Variants in ADGRE5 observed in about 807,000 individuals in gnomAD.
ADGRE5 encodes the protein CD97 molecule.
ADGRE5 carries 72 observed loss-of-function variants against 100.3 expected under a neutral mutation model. The observed-to-expected ratio is 0.72, with a 90% confidence interval of 0.59 to 0.87. ADGRE5 has a LOEUF of 0.87. Ranked by LOEUF, ADGRE5 falls within the 40% of genes least tolerant of loss-of-function variation. The pLI, the probability that ADGRE5 is intolerant of heterozygous loss-of-function variation, is 0.00. For synonymous variants in ADGRE5, 439 were observed against 447.8 expected, an observed-to-expected ratio of 0.98 and a Z score of 0.25; for missense variants, 959 against 1,094.7, an observed-to-expected ratio of 0.88 and a Z score of 1.75.
chr19:14,391,255 G>C (rs1975592761), intron 4 of ADGRE5, 176 bp downstream of exon 4: 1 of 789,508 alleles, frequency 1.3e-6, no homozygotes, highest in Non-Finnish European at 2.0e-6. Flanking sequence ...GTGATGTGAG[G>C]ATTAAGGGCT....
Position 14,397,766 on chromosome 19 carries a change from A to G in ADGRE5, c.734A>G (p.His245Arg), listed in dbSNP as rs1374960737. Residue 245 changes from histidine to arginine, a missense_variant, in exon 7 of 20, where the codon CAC becomes CGC. Coordinates refer to ENST00000242786, the MANE Select transcript of ADGRE5 (RefSeq NM_078481.4). ...TGCCGCCCAGGCTGGAAGCCCAGAC[A>G]CGGAATCCCGAATAACCAAAAGGAC... is the stretch of plus-strand genomic sequence containing the variant. ...CRCRPGWKPR[H>R]GIPNNQKDTV... 1 of 1,372,596 alleles carries G rather than the reference A, an allele frequency of 7.3e-7. No individual in the cohort carries two copies. Among genetic ancestry groups the G allele is most frequent in the Non-Finnish European group, 1.0e-6 (1 of 998,372 alleles). 85.0% of individuals were successfully genotyped at this position (1,372,596 alleles called of 1,614,324 possible). A position where few individuals can be genotyped will look rare whatever the true frequency, so the allele number is the denominator to read the frequency against.
chr19:14,398,150 G>T lies in ADGRE5; in HGVS notation c.897+11G>T. The T allele has an allele frequency of 6.2e-7, 1 of 1,613,728 alleles. No individual in the cohort carries two copies. Among genetic ancestry groups the T allele is most frequent in the Non-Finnish European group, 8.5e-7 (1 of 1,179,614 alleles). ...GAGGTCACCATCCAGGTAAGGGCAG[G>T]ATGCTGGGGGACCCCAGGACAGTGT... On this transcript the variant is annotated intron_variant, in intron 9 of 19. Coordinates refer to ENST00000242786, the MANE Select transcript of ADGRE5 (RefSeq NM_078481.4).
In ADGRE5 at chr19:14,408,643, G is replaced by T; in HGVS notation, c.*522G>T. On this transcript the variant is annotated 3_prime_UTR_variant, in exon 20 of 20. Transcript: ENST00000242786. The stretch of plus-strand genomic sequence containing the variant: ...GCAGGAGGTTCTCACTGTTGTGAAG[G>T]TTGTAGACGTTGTGTAATGTGTTTT... The T allele has an allele frequency of 2.0e-6, 1 of 494,160 alleles. No homozygotes were observed. Among genetic ancestry groups the T allele is most frequent in the East Asian group, 3.3e-5 (1 of 30,640 alleles). The allele number at this position is 494,160 out of a possible 1,614,324, so 30.6% of individuals were successfully genotyped here. A position where few individuals can be genotyped will look rare whatever the true frequency, so the allele number is the denominator to read the frequency against.
Position 14,391,060 on chromosome 19 carries a change from G to C in ADGRE5, c.327G>C (p.Glu109Asp), listed in dbSNP as rs1280460860. Residue 109 changes from glutamate to aspartate, a missense_variant, in exon 4 of 20, where the codon GAG becomes GAC. Glu to Asp is a conservative substitution (Grantham distance 45). Transcript: ENST00000242786. ...PVSGAKTFKN[E>D]SENTCQDVDE... The stretch of plus-strand genomic sequence containing the variant: ...CTGGGGCAAAAACATTCAAGAATGA[G>C]AGCGAGAACACCTGTCAAGGTAAGA... 9 of 1,614,234 alleles carry C rather than the reference G, an allele frequency of 5.6e-6. No homozygotes were observed. The East Asian group carries it at 1.3e-4, about 24-fold the overall frequency.
rs768847602 is a variant in ADGRE5, at chr19:14,406,797, C to T, written c.2115+31C>T. ...TACCCACTCTCCCTCCACCGAAGCC[C>T]GAGCGCCACAGGCCCAGGCCCGGCT... On this transcript the variant is annotated intron_variant, in intron 16 of 19. Coordinates refer to ENST00000242786, the MANE Select transcript of ADGRE5 (RefSeq NM_078481.4). This position sits in a 1 kb window ranked among gnomAD's most constrained non-coding sequence, Gnocchi z 6.0. The T allele has an allele frequency of 2.1e-5, 34 of 1,612,462 alleles. No individual in the cohort carries two copies. The highest frequency in any genetic ancestry group is 3.3e-5 in the Admixed American group (2 of 60,002).
At chr19:14,400,344 G>C (rs535166936) in intron 9 of ADGRE5, among the ~76,000 whole-genome samples, 2 of 151,892 alleles carry the variant, frequency 1.3e-5, no homozygotes, top group Non-Finnish European at 2.9e-5. Context: ...TGCAGAGATG[G>C]GGGCCTTGCT....
chr19:14,390,215 G>T (rs569937687), intron 3 of ADGRE5, among the ~76,000 whole-genome samples: 37 of 152,130 alleles, frequency 2.4e-4, no homozygotes, highest in African/African-American at 8.9e-4. Flanking sequence ...AAGTGAATAG[G>T]CATGGCTTCC....
intron 9 of ADGRE5, among the ~76,000 whole-genome samples, chr19:14,398,787 CTCGGTTT>C (rs1326884217): frequency 6.7e-6 from 1 of 150,182 alleles, no homozygotes; most frequent in Admixed American, 6.6e-5. Context: ...CTCTCTGGGC[CTCGGTTT>C]TCTCATCTGT....
intron 4 of ADGRE5, among the ~76,000 whole-genome samples, chr19:14,393,746 G>A (rs1002344623): frequency 2.6e-5 from 4 of 152,170 alleles, no homozygotes; most frequent in African/African-American, 9.7e-5. Context: ...TACCTGGGAC[G>A]TACACCTGCG....
chr19:14,399,407 A>G (rs1975916251), intron 9 of ADGRE5, among the ~76,000 whole-genome samples: 2 of 151,290 alleles, frequency 1.3e-5, no homozygotes, highest in Admixed American at 6.6e-5. Context: ...TACTAAAAAT[A>G]CAAAAAATTA....
chr19:14,391,002 A>T lies in ADGRE5; in HGVS notation c.269A>T (p.Asp90Val). The change falls in exon 4 of 20, where the codon GAC becomes GTC. Residue 90 changes from aspartate to valine, a missense_variant. Coordinates refer to ENST00000242786, the MANE Select transcript of ADGRE5 (RefSeq NM_078481.4). ...SDCWNTEGSY[D>V]CVCSPGYEPV... is the part of the protein sequence containing the mutation. ...TGCTGGAACACAGAGGGGAGCTACG[A>T]CTGCGTGTGCAGCCCGGGATATGAG... 1 of 1,614,208 alleles carries T rather than the reference A, an allele frequency of 6.2e-7. No homozygotes were observed. The highest frequency in any genetic ancestry group is 8.5e-7 in the Non-Finnish European group (1 of 1,180,040).
rs1976358336 is a variant in ADGRE5, at chr19:14,408,084, C to T, written c.2479-8C>T. 6.2e-7 allele frequency: 1 copy of T among 1,613,990 alleles called. No individual in the cohort carries two copies. Among genetic ancestry groups the T allele is most frequent in the East Asian group, 2.2e-5 (1 of 44,882 alleles). ...GCGGGGCTCAGGCCTCTGGGCTCTC[C>T]TCTCCAGGCCCTCAGGGCATCAGAG... On this transcript the variant is annotated splice_polypyrimidine_tract_variant and splice_region_variant and intron_variant, in intron 19 of 19. Transcript: ENST00000242786.
Position 14,401,172 on chromosome 19 carries a change from GCCCGTGCCCAAC to G in ADGRE5, c.898-212_898-201del, listed in dbSNP as rs148434845. Among the ~76,000 whole-genome samples, 2,446 of 152,310 alleles carry G rather than the reference GCCCGTGCCCAAC, an allele frequency of 0.016. 64 individuals are homozygous for G. Among genetic ancestry groups the G allele is most frequent in the African/African-American group, 0.054 (2,235 of 41,558 alleles). ...AAATCAAAACAGAGCCTGGCAGGCA[GCCCGTGCCCAAC>G]CAGTGTTAAGCGCTGTGATTCATAC... On this transcript the variant is annotated intron_variant, in intron 9 of 19. Coordinates refer to ENST00000242786, the MANE Select transcript of ADGRE5 (RefSeq NM_078481.4). The surrounding 1 kb of genome is among the most constrained non-coding windows in gnomAD (Gnocchi z 4.1).
At position 14,406,037 on chromosome 19, in the gene ADGRE5, C is replaced by T. The variant is rs906312721; in HGVS notation, c.1821+98C>T. On this transcript the variant is annotated intron_variant, in intron 14 of 19. Transcript: ENST00000242786. This position sits in a 1 kb window ranked among gnomAD's most constrained non-coding sequence, Gnocchi z 6.0. ...CCGGGGCTCAGTCGGGTAGGCGGGC[C>T]CTGGAGGCATGAGGCCCCGCCCCTG... 3.0e-5 allele frequency: 34 copies of T among 1,117,482 alleles called. No individual in the cohort carries two copies. The highest frequency in any genetic ancestry group is 4.1e-5 in the Non-Finnish European group (33 of 803,878). 69.2% of individuals were successfully genotyped at this position (1,117,482 alleles called of 1,614,324 possible).
intron 1 of ADGRE5, among the ~76,000 whole-genome samples, chr19:14,387,030 T>A (rs1421439747): frequency 2.0e-5 from 3 of 151,028 alleles, no homozygotes; most frequent in South Asian, 2.1e-4. Context: ...AAAAATAAAA[T>A]AAATAAATAA....
intron 4 of ADGRE5, among the ~76,000 whole-genome samples, chr19:14,395,314 A>ACC (rs1568312249): frequency 1.3e-5 from 2 of 149,684 alleles, no homozygotes; most frequent in Admixed American, 1.3e-4. Flanking sequence ...AAAAAAAAAA[A>ACC]AAAAACAAAA....
chr19:14,402,842 G>T lies in ADGRE5; in HGVS notation c.1429G>T (p.Gly477Ter). Residue 477 changes from glycine (G) to a stop codon, truncating the protein, a stop_gained, in exon 12 of 20, where the codon GGA (glycine) becomes TGA (stop). Coordinates refer to ENST00000242786, the MANE Select transcript of ADGRE5 (RefSeq NM_078481.4). LOFTEE classifies it high-confidence loss of function. ...CCTTGAGTCCTCCGATGGGGAGGCG[G>T]GAAGAGACCCTCCTGCCAAGGTCTC... ...SHLESSDGEA[G>*]RDPPAKDVMP... 1.2e-6 allele frequency: 2 copies of T among 1,613,772 alleles called. No individual in the cohort carries two copies. The highest frequency in any genetic ancestry group is 1.7e-6 in the Non-Finnish European group (2 of 1,179,982).
intron 9 of ADGRE5, among the ~76,000 whole-genome samples, chr19:14,398,599 T>A (rs1975879799): frequency 7.4e-6 from 1 of 135,498 alleles, no homozygotes; most frequent in African/African-American, 2.8e-5. Context: ...GACGTGAACC[T>A]GGGAGGTGGA....
chr19:14,390,404 A>T lies in ADGRE5; in HGVS notation c.191-520A>T, dbSNP rs111331332. 7.7e-3 allele frequency among the ~76,000 whole-genome samples: 1,161 copies of T among 150,124 alleles called. 14 individuals carry two copies. Among genetic ancestry groups the T allele is most frequent in the African/African-American group, 0.027 (1,102 of 40,698 alleles). On this transcript the variant is annotated intron_variant, in intron 3 of 19. Coordinates refer to ENST00000242786, the MANE Select transcript of ADGRE5 (RefSeq NM_078481.4). ...AGTGACCCGATCTCGGCTCACTGCA[A>T]CCTCCACCTCCTAGGTTCAAGCGAT...
Sources: allele counts gnomAD v4.1 joint callset (sites outside exome capture counted in the v4.1 genomes callset), GRCh38; gene constraint gnomAD v4.1.1; non-coding constraint Gnocchi (gnomAD v3.1); transcripts MANE v1.5; gene names NCBI Gene and HGNC (gene_info 2026-07-23, HGNC 2026-07-21).